The following KCNQ3 variants were observed in gnomAD, a reference collection of about 807,000 sequenced individuals.
KCNQ3 encodes the protein potassium voltage-gated channel subfamily KQT member 3.
A neutral mutation model predicts 92.5 loss-of-function variants in KCNQ3; 30 were observed. The observed-to-expected ratio is 0.32, with a 90% CI of 0.24 to 0.44. The LOEUF is 0.44. Among genes scored for constraint, KCNQ3 ranks in the 20% least tolerant of loss-of-function variants. The pLI is 1.00. For synonymous variants in KCNQ3, 450 were observed against 468.8 expected, an observed-to-expected ratio of 0.96 and a Z score of 0.52; for missense variants, 913 against 1,140.3, an observed-to-expected ratio of 0.80 and a Z score of 2.87.
chr8:132,353,357 G>C (rs1818930793), intron 1 of KCNQ3, among the ~76,000 whole-genome samples: 1 of 152,034 alleles, frequency 6.6e-6, no homozygotes, highest in Non-Finnish European at 1.5e-5. Context: ...CAGGCAGAAG[G>C]ACTGTCAGAA....
chr8:132,377,740 C>T (rs1171528082), intron 1 of KCNQ3, among the ~76,000 whole-genome samples: 1 of 152,164 alleles, frequency 6.6e-6, no homozygotes, highest in Non-Finnish European at 1.5e-5. Context: ...ATATGGTAGT[C>T]CTTGGAGCCA....
intron 1 of KCNQ3, among the ~76,000 whole-genome samples, chr8:132,466,259 C>T (rs1429049198): frequency 1.3e-5 from 2 of 151,948 alleles, no homozygotes; most frequent in African/African-American, 4.8e-5. Flanking sequence ...CATCACAACC[C>T]TTAGGCTTCA....
At chr8:132,339,543 C>A (rs1586939603) in intron 1 of KCNQ3, among the ~76,000 whole-genome samples, 1 of 152,060 alleles carries the variant, frequency 6.6e-6, no homozygotes, top group East Asian at 1.9e-4. Context: ...AGGGGTGAAA[C>A]CCCATTTCTA....
chr8:132,421,253 G>C (rs1031903698), intron 1 of KCNQ3, among the ~76,000 whole-genome samples: 1 of 152,184 alleles, frequency 6.6e-6, no homozygotes, highest in South Asian at 2.1e-4. Flanking sequence ...GCATGTGAGG[G>C]GCACATAGAA....
At chr8:132,370,514 C>A (rs980584271) in intron 1 of KCNQ3, among the ~76,000 whole-genome samples, 1 of 152,158 alleles carries the variant, frequency 6.6e-6, no homozygotes, top group African/African-American at 2.4e-5. Context: ...TTCTGGCAGT[C>A]TCTCTGTTTG....
intron 1 of KCNQ3, among the ~76,000 whole-genome samples, chr8:132,334,689 C>G (rs564783206): frequency 2.0e-4 from 30 of 152,320 alleles, no homozygotes; most frequent in Middle Eastern, 3.4e-3. Context: ...ATAACTGATC[C>G]TGGCAAGGAG....
At position 132,126,057 on chromosome 8, in the gene KCNQ3, C is replaced by T. The variant is rs1824653448; in HGVS notation, c.*3205G>A. ...TCATTTTGATCTTGCTAAAATATGA[C>T]CTTTAAAATTTTTCATGTCACATTG... On this transcript the variant is annotated 3_prime_UTR_variant, in exon 15 of 15. Coordinates refer to ENST00000388996, the MANE Select transcript of KCNQ3 (RefSeq NM_004519.4). 6.6e-6 allele frequency: 1 copy of T among 152,066 alleles called. No individual in the cohort carries two copies. Among genetic ancestry groups the T allele is most frequent in the Admixed American group, 6.6e-5 (1 of 15,264 alleles). 9.4% of individuals were successfully genotyped at this position (152,066 alleles called of 1,614,324 possible).
intron 1 of KCNQ3, among the ~76,000 whole-genome samples, chr8:132,230,062 A>T (rs1339874005): frequency 6.6e-6 from 1 of 152,108 alleles, no homozygotes; most frequent in East Asian, 1.9e-4. Flanking sequence ...AGCTTTGTCA[A>T]TAACTGTTTT....
intron 1 of KCNQ3, among the ~76,000 whole-genome samples, chr8:132,211,082 C>T (rs959794577): frequency 1.3e-5 from 2 of 152,222 alleles, no homozygotes; most frequent in African/African-American, 4.8e-5. Flanking sequence ...CTTCCATGTA[C>T]TCCTTGAGCC....
At chr8:132,200,048 T>C (rs1450083113) in intron 1 of KCNQ3, among the ~76,000 whole-genome samples, 1 of 152,216 alleles carries the variant, frequency 6.6e-6, no homozygotes, top group African/African-American at 2.4e-5. Flanking sequence ...ATTGACTTAA[T>C]ACTTGTAGGA....
chr8:132,355,217 G>A (rs1277778480), intron 1 of KCNQ3, among the ~76,000 whole-genome samples: 2 of 152,030 alleles, frequency 1.3e-5, no homozygotes, highest in African/African-American at 4.8e-5. Flanking sequence ...ATAAATTACT[G>A]GTATAAAAAC....
At chr8:132,323,922 T>C (rs1407564108) in intron 1 of KCNQ3, among the ~76,000 whole-genome samples, 1 of 152,226 alleles carries the variant, frequency 6.6e-6, no homozygotes, top group African/African-American at 2.4e-5. Context: ...CGTTCTGACC[T>C]TGGCAATCAA....
chr8:132,248,712 G>T (rs1392550653), intron 1 of KCNQ3, among the ~76,000 whole-genome samples: 1 of 152,198 alleles, frequency 6.6e-6, no homozygotes, highest in African/African-American at 2.4e-5. Flanking sequence ...ACTGGGCACA[G>T]GCTCCTGCCC....
At chr8:132,393,581 G>A (rs1216978563) in intron 1 of KCNQ3, among the ~76,000 whole-genome samples, 3 of 152,184 alleles carry the variant, frequency 2.0e-5, no homozygotes, top group African/African-American at 4.8e-5. Context: ...CATAGTAGGT[G>A]TTTAATAAAT....
chr8:132,147,368 G>A (rs775989866), intron 9 of KCNQ3, among the ~76,000 whole-genome samples: 8 of 152,074 alleles, frequency 5.3e-5, no homozygotes, highest in Admixed American at 3.9e-4. Context: ...TTGGAGTTGG[G>A]CAAGACTTCG....
chr8:132,311,961 C>T (rs1286611940), intron 1 of KCNQ3, among the ~76,000 whole-genome samples: 1 of 127,130 alleles, frequency 7.9e-6, no homozygotes, highest in Admixed American at 8.2e-5. Flanking sequence ...TCGTTATAAA[C>T]AGAAGAGGAG....
In KCNQ3 at chr8:132,302,913, G is replaced by A. The variant is rs960474333; in HGVS notation, c.387-116732C>T. ...TGGCTGTTTTATAAGCTGCTCAGGA[G>A]AACCTATTGAATTGTATCACAATCT... On this transcript the variant is annotated intron_variant, in intron 1 of 14. Coordinates refer to ENST00000388996, the MANE Select transcript of KCNQ3 (RefSeq NM_004519.4). Among the ~76,000 whole-genome samples, 3 of 152,332 alleles carry A rather than the reference G, an allele frequency of 2.0e-5. No individual in the cohort carries two copies. In the East Asian group the frequency reaches 5.8e-4, roughly 29 times the overall value.
intron 1 of KCNQ3, among the ~76,000 whole-genome samples, chr8:132,345,026 C>G (rs1200921030): frequency 6.6e-6 from 1 of 152,178 alleles, no homozygotes; most frequent in Non-Finnish European, 1.5e-5. Context: ...TTCACTAGAG[C>G]ATGCCCCCCT....
At chr8:132,157,228 G>A (rs1279075919) in intron 9 of KCNQ3, among the ~76,000 whole-genome samples, 7 of 152,160 alleles carry the variant, frequency 4.6e-5, no homozygotes, top group Admixed American at 2.6e-4. Context: ...TCAGGGAGCC[G>A]AGACACATTC....
Sources: gnomAD v4.1 joint callset for allele counts (sites outside exome capture counted in the v4.1 genomes callset) on GRCh38, gnomAD v4.1.1 for gene constraint, MANE v1.5 for transcripts, NCBI Gene and HGNC (gene_info 2026-07-23, HGNC 2026-07-21) for gene names.